ZNF684: variants seen among roughly 807,000 people sequenced by gnomAD.
The protein encoded by ZNF684 is hypothetical protein MGC27466.
Under a neutral mutation model 12.8 loss-of-function variants are expected in ZNF684, and 13 were observed. The observed-to-expected ratio is 1.02, with a 90% confidence interval of 0.66 to 1.62. ZNF684 has a LOEUF of 1.62. Ranked by LOEUF, ZNF684 falls within the 40% of genes most tolerant of loss-of-function variation. The pLI is 0.00. For missense variants in ZNF684, 384 were observed against 446.9 expected, an observed-to-expected ratio of 0.86 and a Z score of 1.27; for synonymous variants, 118 against 151.8, an observed-to-expected ratio of 0.78 and a Z score of 1.64.
chr1:40,536,590 G>A (rs948862117), intron 2 of ZNF684, among the ~76,000 whole-genome samples: 1 of 146,194 alleles, frequency 6.8e-6, no homozygotes, highest in Admixed American at 6.8e-5. Context: ...GTATACATGT[G>A]CCATGCTGGT....
Position 40,546,796 on chromosome 1 carries a change from C to G in ZNF684, c.473C>G (p.Ala158Gly). The change falls in exon 5 of 5, where the codon GCT becomes GGT. Residue 158 changes from alanine (A) to glycine (G), a missense_variant. Ala to Gly is a moderately conservative substitution (Grantham distance 60). Transcript: ENST00000372699. ...AATAGAAGTTATACTGTAGAAAACG[C>G]TTATGAATGCAGTGAATGCGGGAAA... ...KYNRSYTVENAYECSECGKAF... is the reference protein window; with the variant it reads ...KYNRSYTVENGYECSECGKAF... 2 of 1,611,710 alleles carry G rather than the reference C, an allele frequency of 1.2e-6. No homozygotes were observed. The highest frequency in any genetic ancestry group is 1.7e-6 in the Non-Finnish European group (2 of 1,179,454).
chr1:40,532,599 C>G (rs1465168308), intron 1 of ZNF684, among the ~76,000 whole-genome samples: 1 of 151,254 alleles, frequency 6.6e-6, no homozygotes, highest in Non-Finnish European at 1.5e-5. Context: ...TGGCGAGTTT[C>G]TACAGAGAGA....
At chr1:40,544,098 A>G (rs766822236) in intron 4 of ZNF684, among the ~76,000 whole-genome samples, 4 of 151,710 alleles carry the variant, frequency 2.6e-5, no homozygotes, top group Non-Finnish European at 5.9e-5. Context: ...AGAGCCAGAC[A>G]TTGTGGGGGA....
intron 2 of ZNF684, among the ~76,000 whole-genome samples, chr1:40,535,033 T>C (rs899933424): frequency 2.0e-5 from 3 of 152,196 alleles, no homozygotes; most frequent in African/African-American, 7.2e-5. Context: ...ATCCAGCCAA[T>C]GTACAGAACT....
At chr1:40,546,161 T>C (rs147745882) in intron 4 of ZNF684, among the ~76,000 whole-genome samples, 3 of 152,320 alleles carry the variant, frequency 2.0e-5, no homozygotes, top group African/African-American at 7.2e-5. Context: ...GACCTCATGA[T>C]CTGCCCGCCT....
At chr1:40,543,087 T>A (rs1646025264) in intron 4 of ZNF684, among the ~76,000 whole-genome samples, 1 of 152,152 alleles carries the variant, frequency 6.6e-6, no homozygotes, top group South Asian at 2.1e-4. Flanking sequence ...CACTGCAGCC[T>A]TGAACTCCTG....
In ZNF684 at chr1:40,546,990, G is replaced by A. The variant is rs1191826975; in HGVS notation, c.667G>A (p.Ala223Thr). 1 of 1,613,946 alleles carries A rather than the reference G, an allele frequency of 6.2e-7. No individual in the cohort carries two copies. Among genetic ancestry groups the A allele is most frequent in the African/African-American group, 1.3e-5 (1 of 74,920 alleles). ...RPFVCNDCGK[A>T]FMHKAQLVVH... ...CTTTGTGTGCAATGATTGTGGGAAGGCGTTTATGCATAAAGCCCAACTCGT... is the reference window on the plus strand; with the variant it reads ...CTTTGTGTGCAATGATTGTGGGAAGACGTTTATGCATAAAGCCCAACTCGT... Residue 223 changes from alanine (A) to threonine (T), a missense_variant, in exon 5 of 5, where the codon GCG becomes ACG. Transcript: ENST00000372699.
chr1:40,540,398 T>C (rs1646007828), intron 2 of ZNF684, among the ~76,000 whole-genome samples, 188 bp from the exon 3 acceptor site: 1 of 152,180 alleles, frequency 6.6e-6, no homozygotes, highest in Non-Finnish European at 1.5e-5. Context: ...CTGGCACCAG[T>C]TGGATATGTT....
chr1:40,542,770 T>G (rs12137480), intron 4 of ZNF684, among the ~76,000 whole-genome samples: 5,343 of 152,290 alleles, frequency 0.035, 146 homozygotes, highest in Non-Finnish European at 0.055. Context: ...TCAAAACCAC[T>G]GCATTAAGCA....
intron 2 of ZNF684, among the ~76,000 whole-genome samples, chr1:40,535,588 A>T (rs995655093): frequency 2.3e-5 from 3 of 130,042 alleles, no homozygotes; most frequent in African/African-American, 9.3e-5. Context: ...TCTAGTAGAT[A>T]GTTGTTTTTT....
At chr1:40,546,467 G>T in intron 4 of ZNF684, 95 bp from the exon 5 acceptor site, 2 of 1,233,806 alleles carry the variant, frequency 1.6e-6, no homozygotes, top group Non-Finnish European at 2.2e-6. Context: ...ATTTCTTTCA[G>T]AATGAGATAC....
At chr1:40,541,192 GTTTT>G (rs372463471) in intron 3 of ZNF684, 2 of 139,908 alleles carry the variant, frequency 1.4e-5, no homozygotes, top group Non-Finnish European at 3.0e-5. Context: ...GGTCTGTTCT[GTTTT>G]TTTTTTTTTT....
chr1:40,541,746 T>A, intron 4 of ZNF684, 36 bp downstream of exon 4: 3 of 1,559,408 alleles, frequency 1.9e-6, no homozygotes, highest in Non-Finnish European at 2.6e-6. Flanking sequence ...CTGTGTGGAG[T>A]TGAGATCCCC....
chr1:40,545,923 T>C (rs1406885562), intron 4 of ZNF684, among the ~76,000 whole-genome samples: 19 of 134,464 alleles, frequency 1.4e-4, no homozygotes, highest in East Asian at 1.0e-3. Flanking sequence ...TTCTTTTTTT[T>C]TTTTTTTTTT....
intron 2 of ZNF684, among the ~76,000 whole-genome samples, chr1:40,536,639 A>T: frequency 7.0e-6 from 1 of 142,104 alleles, no homozygotes; most frequent in African/African-American, 2.6e-5. Flanking sequence ...CATTAGGTAT[A>T]TCTCCCAATG....
chr1:40,544,214 A>T (rs1646031736), intron 4 of ZNF684, among the ~76,000 whole-genome samples: 1 of 152,090 alleles, frequency 6.6e-6, no homozygotes, highest in African/African-American at 2.4e-5. Flanking sequence ...GTTACCTGAA[A>T]AGGTTCAAAG....
At chr1:40,535,210 A>G (rs959153482) in intron 2 of ZNF684, among the ~76,000 whole-genome samples, 7 of 152,160 alleles carry the variant, frequency 4.6e-5, no homozygotes, top group Admixed American at 1.3e-4. Flanking sequence ...GTTTTGAATA[A>G]ACAGCCATCC....
chr1:40,539,506 T>G (rs1347784856), intron 2 of ZNF684, among the ~76,000 whole-genome samples: 1 of 151,760 alleles, frequency 6.6e-6, no homozygotes, highest in Non-Finnish European at 1.5e-5. Context: ...CTATATCAAA[T>G]AAAAGAAAAG....
chr1:40,537,984 T>A (rs1237961243), intron 2 of ZNF684, among the ~76,000 whole-genome samples: 1 of 152,162 alleles, frequency 6.6e-6, no homozygotes, highest in Non-Finnish European at 1.5e-5. Context: ...TAATCTTTCA[T>A]GACTGGCTTC....
Sources: allele counts gnomAD v4.1 joint callset (sites outside exome capture counted in the v4.1 genomes callset), GRCh38; gene constraint gnomAD v4.1.1; transcripts MANE v1.5; gene names NCBI Gene and HGNC (gene_info 2026-07-23, HGNC 2026-07-21).